Variants in CEP44 observed in about 807,000 individuals in gnomAD.
CEP44 encodes centrosomal protein 44.
Under a neutral mutation model 46.7 loss-of-function variants are expected in CEP44, and 45 were observed. That is an observed-to-expected ratio of 0.96 (90% CI 0.76 to 1.24). The LOEUF (loss-of-function observed/expected upper bound fraction) is 1.24, where lower values mean the gene tolerates loss of function less well. Ranked by LOEUF, CEP44 falls within the 50% of genes most tolerant of loss-of-function variation. The pLI, the probability that CEP44 is intolerant of heterozygous loss-of-function variation, is 0.00. For synonymous variants in CEP44, 142 were observed against 146.0 expected (o/e 0.97, Z 0.20); for missense variants, 475 against 459.7 (o/e 1.03, Z -0.30).
intron 1 of CEP44, among the ~76,000 whole-genome samples, chr4:174,294,649 C>T (rs1180937567): frequency 6.9e-4 from 104 of 150,754 alleles, no homozygotes; most frequent in Admixed American, 1.3e-3. Context: ...ACCTCCCAGA[C>T]GGGGCGGCTG....
intron 1 of CEP44, chr4:174,284,209 A>C (rs1737286298): frequency 2.5e-6 from 1 of 397,464 alleles, no homozygotes; most frequent in Non-Finnish European, 4.4e-6. Context: ...CGCCGTCCTT[A>C]CAGAGACCCC....
Position 174,319,525 on chromosome 4 carries a change from C to T in CEP44, c.*2142C>T. 2.3e-6 allele frequency: 2 copies of T among 876,446 alleles called. No homozygotes were observed. Among genetic ancestry groups the T allele is most frequent in the African/African-American group, 3.6e-5 (2 of 55,022 alleles). The allele number at this position is 876,446 out of a possible 1,614,324, so 54.3% of individuals were successfully genotyped here. A position where few individuals can be genotyped will look rare whatever the true frequency, so the allele number is the denominator to read the frequency against. On this transcript the variant is annotated 3_prime_UTR_variant, in exon 12 of 12. Coordinates refer to ENST00000503780, the MANE Select transcript of CEP44 (RefSeq NM_001040157.3). ...AAAAAAAGTTAAGTCTCTTTCTACC[C>T]TTTCTTTTTTTCTTTATATAGTGCA...
At position 174,305,825 on chromosome 4, in the gene CEP44, G is replaced by T. The variant is rs1740328038; in HGVS notation, c.507+1456G>T. 6.6e-5 allele frequency among the ~76,000 whole-genome samples: 10 copies of T among 152,278 alleles called. No homozygotes were observed. The South Asian group carries it at 2.1e-3, about 32-fold the overall frequency. ...CTTATTAATTATTTATTGATATAATGTGCTTTTCAATGTTCTATTTCAGTA... is the reference window on the plus strand; with the variant it reads ...CTTATTAATTATTTATTGATATAATTTGCTTTTCAATGTTCTATTTCAGTA... On this transcript the variant is annotated intron_variant, in intron 6 of 11. Coordinates refer to ENST00000503780, the MANE Select transcript of CEP44 (RefSeq NM_001040157.3).
chr4:174,285,899 C>T (rs1394889059), intron 1 of CEP44, among the ~76,000 whole-genome samples: 1 of 152,140 alleles, frequency 6.6e-6, no homozygotes, highest in East Asian at 1.9e-4. Flanking sequence ...GTCCATCTAC[C>T]CCCAGTCAGT....
At chr4:174,299,248 C>T (rs774090871) in intron 3 of CEP44, 38 bp downstream of exon 3, 15 of 1,520,878 alleles carry the variant, frequency 9.9e-6, no homozygotes, top group East Asian at 2.3e-5. Flanking sequence ...ATTCTTCTTG[C>T]TAGTGATTTG....
Position 174,310,595 on chromosome 4 carries a change from A to G in CEP44, c.886-188A>G, listed in dbSNP as rs1369386596. ...AGAAGGTGAAGTCAAGTAGCTTGCT[A>G]TCTGCTTCCATATTTAAAACATTTC... On this transcript the variant is annotated intron_variant, in intron 8 of 11. Transcript: ENST00000503780. The surrounding 1 kb of genome is among the most constrained non-coding windows in gnomAD (Gnocchi z 4.2). Among the ~76,000 whole-genome samples, 1 of 151,938 alleles carries G rather than the reference A, an allele frequency of 6.6e-6. No individual in the cohort carries two copies. The highest frequency in any genetic ancestry group is 1.5e-5 in the Non-Finnish European group (1 of 67,838).
downstream of CEP44, among the ~76,000 whole-genome samples, chr4:174,323,085 G>A (rs866029960): frequency 6.6e-6 from 1 of 151,760 alleles, no homozygotes; most frequent in African/African-American, 2.4e-5. Flanking sequence ...CGGCAATATG[G>A]CATACAAGGT....
chr4:174,329,872 A>G lies in CEP44; in HGVS notation c.1087-1610A>G, dbSNP rs901406509. Among the ~76,000 whole-genome samples the G allele has an allele frequency of 2.6e-5, 4 of 152,138 alleles. No homozygotes were observed. Among genetic ancestry groups the G allele is most frequent in the Non-Finnish European group, 4.4e-5 (3 of 68,020 alleles). ...GGATGAGTTGCAAATAACATCCTCT[A>G]CCCTTAGGTCAAAAAGAATATGTAA... On this transcript the variant is annotated intron_variant, in intron 8 of 8. Coordinates refer to the CEP44 transcript ENST00000426172. The surrounding 1 kb of genome is among the most constrained non-coding windows in gnomAD (Gnocchi z 4.0).
chr4:174,308,029 C>A (rs914342430), intron 6 of CEP44, among the ~76,000 whole-genome samples: 2 of 152,122 alleles, frequency 1.3e-5, no homozygotes, highest in Non-Finnish European at 2.9e-5. Flanking sequence ...TTAGTTCAAC[C>A]ACCGTGGAAG....
chr4:174,296,862 G>A lies in CEP44; in HGVS notation c.-147-1104G>A, dbSNP rs532298734. Among the ~76,000 whole-genome samples the A allele has an allele frequency of 8.2e-4, 122 of 149,054 alleles. No individual in the cohort carries two copies. The South Asian group carries it at 0.024, about 30-fold the overall frequency. ...GGGGATTTGTATATTTCTCGTTGTG[G>A]TTCTGTCAGTTTTTGTTTCATATAT... On this transcript the variant is annotated intron_variant, in intron 1 of 11. Coordinates refer to ENST00000503780, the MANE Select transcript of CEP44 (RefSeq NM_001040157.3).
downstream of CEP44, among the ~76,000 whole-genome samples, chr4:174,322,982 GAT>G (rs1209433594): frequency 6.6e-6 from 1 of 151,898 alleles, no homozygotes; most frequent in African/African-American, 2.4e-5. Context: ...GAAATTTAAT[GAT>G]ATTTTTGAAA....
chr4:174,308,761 A>G lies in CEP44; in HGVS notation c.580A>G (p.Ile194Val), dbSNP rs975178994. The G allele has an allele frequency of 2.5e-6, 4 of 1,612,784 alleles. No homozygotes were observed. The highest frequency in any genetic ancestry group is 1.7e-5 in the Admixed American group (1 of 59,956). Residue 194 changes from isoleucine (I) to valine (V), a missense_variant, in exon 7 of 12, where the codon ATA becomes GTA. Ile to Val is a conservative substitution (Grantham distance 29, BLOSUM62 3). Coordinates refer to ENST00000503780, the MANE Select transcript of CEP44 (RefSeq NM_001040157.3). Reference protein sequence around the residue: ...VDISEDTLSPITDVNEAVDVS... With the variant: ...VDISEDTLSPVTDVNEAVDVS... ...CATTTCTGAGGATACATTAAGTCCA[A>G]TAACAGATGTTAATGAAGCAGTTGA...
intron 1 of CEP44, among the ~76,000 whole-genome samples, chr4:174,296,577 C>T (rs1739043240): frequency 6.6e-6 from 1 of 151,994 alleles, no homozygotes; most frequent in South Asian, 2.1e-4. Context: ...GGTCTAAAAG[C>T]AGACATTGTA....
chr4:174,294,917 G>T (rs571811055), intron 1 of CEP44, among the ~76,000 whole-genome samples: 1 of 127,286 alleles, frequency 7.9e-6, no homozygotes, highest in African/African-American at 3.0e-5. Flanking sequence ...CTCACTTCCC[G>T]GTAGGGGCGG....
At chr4:174,291,971 T>G (rs190717082) in intron 1 of CEP44, among the ~76,000 whole-genome samples, 168 of 151,462 alleles carry the variant, frequency 1.1e-3, no homozygotes, top group Non-Finnish European at 2.1e-3. Flanking sequence ...TTGTATTTTT[T>G]GTAGAGACAA....
chr4:174,292,324 G>T, intron 1 of CEP44, among the ~76,000 whole-genome samples: 1 of 151,980 alleles, frequency 6.6e-6, no homozygotes, highest in Non-Finnish European at 1.5e-5. Context: ...ATTCATTATA[G>T]TGTCTATTGG....
At position 174,319,598 on chromosome 4, in the gene CEP44, T is replaced by G. The variant is rs536184203; in HGVS notation, c.*2215T>G. On this transcript the variant is annotated 3_prime_UTR_variant, in exon 12 of 12. Coordinates refer to ENST00000503780, the MANE Select transcript of CEP44 (RefSeq NM_001040157.3). ...TTAAAACATTTCTAATCTCCTAGTTTATATACAGTGTGCAAAATATAAGTA... is the reference window on the plus strand; with the variant it reads ...TTAAAACATTTCTAATCTCCTAGTTGATATACAGTGTGCAAAATATAAGTA... 1.7e-4 allele frequency: 120 copies of G among 704,894 alleles called. No individual in the cohort carries two copies. The highest frequency in any genetic ancestry group is 2.0e-4 in the Non-Finnish European group (114 of 573,842). The allele number at this position is 704,894 out of a possible 1,614,324, so 43.7% of individuals were successfully genotyped here. A position where few individuals can be genotyped will look rare whatever the true frequency, so the allele number is the denominator to read the frequency against.
rs1365740957 is a variant in CEP44, at chr4:174,319,198, A to T, written c.*1815A>T. The stretch of plus-strand genomic sequence containing the variant: ...ACAATTTTGAATTTAACAGAGTTTC[A>T]GTAAATATTTCCAGAATTAATGAAG... On this transcript the variant is annotated 3_prime_UTR_variant, in exon 12 of 12. Transcript: ENST00000503780. 1 of 973,394 alleles carries T rather than the reference A, an allele frequency of 1.0e-6. No homozygotes were observed. Among genetic ancestry groups the T allele is most frequent in the Admixed American group, 6.2e-5 (1 of 16,242 alleles). The allele number at this position is 973,394 out of a possible 1,614,324, so 60.3% of individuals were successfully genotyped here.
intron 2 of CEP44, among the ~76,000 whole-genome samples, chr4:174,298,297 TC>T (rs1218014789): frequency 6.9e-6 from 1 of 144,700 alleles, no homozygotes; most frequent in Non-Finnish European, 1.5e-5. Flanking sequence ...TGCCTCAGCC[TC>T]CCAAGTAGCT....
Sources: gnomAD v4.1 joint callset for allele counts (sites outside exome capture counted in the v4.1 genomes callset) on GRCh38, gnomAD v4.1.1 for gene constraint, Gnocchi (gnomAD v3.1) non-coding constraint, MANE v1.5 for transcripts, NCBI Gene and HGNC (gene_info 2026-07-23, HGNC 2026-07-21) for gene names.